Variants in AFF3 observed in about 807,000 individuals in gnomAD.
The protein encoded by AFF3 is ALF transcription elongation factor 3, also known as AF4/FMR2 family member 3.
In AFF3, 32 loss-of-function variants were observed where a neutral mutation model predicts 129.7. That is an observed-to-expected ratio of 0.25 (90% confidence interval 0.19 to 0.33). AFF3 has a LOEUF of 0.33. Among genes scored for constraint, AFF3 ranks in the 10% least tolerant of loss-of-function variants. The probability of loss-of-function intolerance (pLI) is 1.00; values close to 1 mark genes in which losing one functional copy is unlikely to be tolerated. For synonymous variants in AFF3, 644 were observed against 635.4 expected, an observed-to-expected ratio of 1.01 and a Z score of -0.20; for missense variants, 1,373 against 1,592.0, an observed-to-expected ratio of 0.86 and a Z score of 2.34.
chr2:99,610,604 C>G (rs1443164201), intron 13 of AFF3, among the ~76,000 whole-genome samples: 1 of 152,156 alleles, frequency 6.6e-6, no homozygotes, highest in Non-Finnish European at 1.5e-5. Flanking sequence ...GACATTCTGG[C>G]TGCTTCCAGT....
At chr2:100,049,943 G>C (rs1313531713) in intron 4 of AFF3, among the ~76,000 whole-genome samples, 3 of 152,162 alleles carry the variant, frequency 2.0e-5, no homozygotes, top group Non-Finnish European at 4.4e-5. Context: ...GCCAGGCGTA[G>C]TGGCTCACGC....
At chr2:99,717,656 C>T (rs527843452) in intron 11 of AFF3, among the ~76,000 whole-genome samples, 29 of 152,124 alleles carry the variant, frequency 1.9e-4, no homozygotes, top group Non-Finnish European at 8.8e-5. Context: ...TATATTCTCC[C>T]GGTTCGCAGC....
At chr2:99,734,002 T>C (rs1000339891) in intron 10 of AFF3, among the ~76,000 whole-genome samples, 1 of 152,220 alleles carries the variant, frequency 6.6e-6, no homozygotes, top group Admixed American at 6.5e-5. Context: ...ATTAAATCTA[T>C]AGATATCTGA....
rs113366555 is a variant in AFF3 at position 99,665,766 on chromosome 2, T to C, written c.1143+6772A>G. ...GAATAAACATGGAAAGTTTCCAACA[T>C]TGGGCAGAAAATCAGAGTCAGCAAA... On this transcript the variant is annotated intron_variant, in intron 12 of 24. Transcript: ENST00000672756. 5.4e-3 allele frequency among the ~76,000 whole-genome samples: 828 copies of C among 152,226 alleles called. 7 individuals carry two copies. Among genetic ancestry groups the C allele is most frequent in the African/African-American group, 0.019 (796 of 41,534 alleles).
intron 4 of AFF3, among the ~76,000 whole-genome samples, chr2:100,023,894 G>A (rs185841487): frequency 3.9e-5 from 6 of 152,260 alleles, no homozygotes; most frequent in Non-Finnish European, 5.9e-5. Flanking sequence ...CACTGACTTC[G>A]AACCAGCAAT....
intron 7 of AFF3, among the ~76,000 whole-genome samples, chr2:99,967,213 C>T (rs889119702): frequency 6.6e-6 from 1 of 152,052 alleles, no homozygotes; most frequent in Non-Finnish European, 1.5e-5. Context: ...CCCAAGGTTC[C>T]ATTTTCAGCC....
At chr2:99,819,124 T>C (rs1184762662) in intron 8 of AFF3, among the ~76,000 whole-genome samples, 1 of 152,260 alleles carries the variant, frequency 6.6e-6, no homozygotes, top group African/African-American at 2.4e-5. Flanking sequence ...GAATGATTTA[T>C]GACGTCCCAC....
intron 7 of AFF3, among the ~76,000 whole-genome samples, chr2:99,930,370 C>T (rs566067141): frequency 6.6e-6 from 1 of 152,290 alleles, no homozygotes; most frequent in Middle Eastern, 3.4e-3. Flanking sequence ...AAAGTGGCTC[C>T]TGCAGGTTGG....
rs188161017 is a variant in AFF3, at chr2:99,615,582, C to A, written c.1185-13961G>T. On this transcript the variant is annotated intron_variant, in intron 13 of 24. Coordinates refer to ENST00000672756, the MANE Select transcript of AFF3 (RefSeq NM_001386135.1). ...CCAGCCATGAGAAAGCTGAGAACAT[C>A]CACTTGGACAACTCCTCCCCTGGCA... Among the ~76,000 whole-genome samples, 3 of 152,360 alleles carry A rather than the reference C, an allele frequency of 2.0e-5. No individual in the cohort carries two copies. The East Asian group carries it at 5.8e-4, about 29-fold the overall frequency.
chr2:99,651,806 A>G (rs1270265241), intron 12 of AFF3, among the ~76,000 whole-genome samples: 1 of 152,108 alleles, frequency 6.6e-6, no homozygotes, highest in Non-Finnish European at 1.5e-5. Context: ...ACATTTAGAT[A>G]TCAGGAAAAA....
chr2:100,098,931 C>T (rs1279215795), intron 4 of AFF3, among the ~76,000 whole-genome samples: 3 of 120,772 alleles, frequency 2.5e-5, no homozygotes, highest in East Asian at 4.2e-4. Flanking sequence ...TGAGCAGCCC[C>T]TTCCCCACTG....
chr2:99,678,915 G>C (rs1329155963), intron 11 of AFF3, among the ~76,000 whole-genome samples: 1 of 152,200 alleles, frequency 6.6e-6, no homozygotes, highest in Admixed American at 6.5e-5. Context: ...GCTACCATCT[G>C]CCTGTGGTTA....
chr2:99,807,333 T>C (rs573446841), intron 8 of AFF3, among the ~76,000 whole-genome samples: 2 of 152,286 alleles, frequency 1.3e-5, no homozygotes, highest in South Asian at 4.1e-4. Flanking sequence ...TGACAGAATC[T>C]GGAGTTTGGA....
chr2:99,757,018 TC>T (rs1194885000), intron 8 of AFF3, among the ~76,000 whole-genome samples: 1 of 152,102 alleles, frequency 6.6e-6, no homozygotes, highest in African/African-American at 2.4e-5. Context: ...CTGACTCTCT[TC>T]CCCCGTGGCT....
intron 13 of AFF3, among the ~76,000 whole-genome samples, chr2:99,612,121 G>C (rs1397166190): frequency 6.6e-6 from 1 of 152,120 alleles, no homozygotes; most frequent in Non-Finnish European, 1.5e-5. Flanking sequence ...GCCTTATTAT[G>C]TTTGTTTTAT....
intron 7 of AFF3, among the ~76,000 whole-genome samples, chr2:99,856,338 T>A (rs1690524301): frequency 6.6e-6 from 1 of 152,106 alleles, no homozygotes; most frequent in African/African-American, 2.4e-5. Flanking sequence ...AATCCAAAAT[T>A]ACTAGGCATA....
At chr2:99,595,290 T>C (rs886930841) in intron 14 of AFF3, among the ~76,000 whole-genome samples, 7 of 152,168 alleles carry the variant, frequency 4.6e-5, no homozygotes, top group East Asian at 1.9e-4. Flanking sequence ...TTGAGAAGAA[T>C]AGAATTTTAG....
chr2:99,818,782 C>A (rs1351324278), intron 8 of AFF3, among the ~76,000 whole-genome samples: 1 of 152,110 alleles, frequency 6.6e-6, no homozygotes. Context: ...CAAAATAAAT[C>A]TTTAGAAATA....
intron 7 of AFF3, among the ~76,000 whole-genome samples, chr2:99,889,669 GT>G (rs1327968317): frequency 1.3e-5 from 2 of 152,030 alleles, no homozygotes; most frequent in African/African-American, 4.8e-5. Context: ...AACTTAAGCT[GT>G]TTTTTTGAGA....
Sources: gnomAD v4.1 joint callset for allele counts (sites outside exome capture counted in the v4.1 genomes callset) on GRCh38, gnomAD v4.1.1 for gene constraint, MANE v1.5 for transcripts, NCBI Gene and HGNC (gene_info 2026-07-23, HGNC 2026-07-21) for gene names.